Variants in CELF5 observed in about 807,000 individuals in gnomAD.
CELF5 encodes the protein CUGBP Elav-like family member 5.
CELF5 carries 6 observed loss-of-function variants against 54.9 expected under a neutral mutation model. The observed-to-expected ratio is 0.11, with a 90% confidence interval of 0.06 to 0.22. The LOEUF (loss-of-function observed/expected upper bound fraction) is 0.22. Ranked by LOEUF, CELF5 falls within the 10% of genes least tolerant of loss-of-function variation. The pLI is 1.00. For synonymous variants in CELF5, 271 were observed against 290.9 expected (o/e 0.93, Z 0.70); for missense variants, 401 against 678.6 (o/e 0.59, Z 4.54).
At chr19:3,246,033 C>T (rs2079561850) in intron 1 of CELF5, among the ~76,000 whole-genome samples, 1 of 152,192 alleles carries the variant, frequency 6.6e-6, no homozygotes, top group African/African-American at 2.4e-5. Flanking sequence ...TGTCTTATGC[C>T]CAGCACGTCC....
At chr19:3,265,306 G>A (rs2079866658) in intron 2 of CELF5, among the ~76,000 whole-genome samples, 1 of 152,168 alleles carries the variant, frequency 6.6e-6, no homozygotes, top group Admixed American at 6.5e-5. Flanking sequence ...AAGCAGACAA[G>A]GGCTTAGCCT....
At chr19:3,229,792 G>A (rs891888427) in intron 1 of CELF5, among the ~76,000 whole-genome samples, 1 of 152,180 alleles carries the variant, frequency 6.6e-6, no homozygotes, top group Admixed American at 6.5e-5. Flanking sequence ...CACTGACGGG[G>A]AAAGGTGTTC....
rs540923786 is a variant in CELF5, at chr19:3,237,803, A to G, written c.259+12805A>G. ...GGTGGCTCACGCCTGTAATCCCAGC[A>G]CTTTGGGAGGCCGAGGCGGGTGGAT... On this transcript the variant is annotated intron_variant, in intron 1 of 12. Transcript: ENST00000292672. 1.2e-4 allele frequency among the ~76,000 whole-genome samples: 18 copies of G among 152,250 alleles called. No homozygotes were observed. In the East Asian group the frequency reaches 3.5e-3, roughly 29 times the overall value.
At chr19:3,273,948 G>C in intron 3 of CELF5, 25 bp downstream of exon 3, 1 of 1,609,784 alleles carries the variant, frequency 6.2e-7, no homozygotes, top group South Asian at 1.1e-5. Context: ...GTGGCTGCCA[G>C]GCTGGGGGTT....
intron 2 of CELF5, among the ~76,000 whole-genome samples, chr19:3,251,652 C>CTTTTTTTTTTTTTT (rs1195812856): frequency 1.9e-4 from 13 of 67,102 alleles, no homozygotes; most frequent in East Asian, 1.0e-3. Context: ...ACAAGGGCTT[C>CTTTTTTTTTTTTTT]TTTTTTTTTT....
chr19:3,286,128 TGA>T, intron 10 of CELF5, 103 bp downstream of exon 10: 1 of 1,038,954 alleles, frequency 9.6e-7, no homozygotes. Context: ...CCCGCGGGGC[TGA>T]GAGTGCGGCC....
chr19:3,246,227 G>A lies in CELF5; in HGVS notation c.260-4758G>A, dbSNP rs568985221. Among the ~76,000 whole-genome samples, 9 of 152,302 alleles carry A rather than the reference G, an allele frequency of 5.9e-5. 1 individual carries two copies. In the East Asian group the frequency reaches 1.7e-3, roughly 29 times the overall value. Reference sequence around the variant, plus strand: ...AAAAATACAAAAGTTAGCCGGGCATGGTGGCGGACACCTGTAATCCCAGCT... The same window carrying A: ...AAAAATACAAAAGTTAGCCGGGCATAGTGGCGGACACCTGTAATCCCAGCT... On this transcript the variant is annotated intron_variant, in intron 1 of 12. Coordinates refer to ENST00000292672, the MANE Select transcript of CELF5 (RefSeq NM_021938.4).
In CELF5 at chr19:3,282,476, C is replaced by G; in HGVS notation, c.1017C>G (p.Ala339=). The G allele has an allele frequency of 6.2e-7, 1 of 1,613,514 alleles. No individual in the cohort carries two copies. The highest frequency in any genetic ancestry group is 8.5e-7 in the Non-Finnish European group (1 of 1,179,920). The change falls in exon 8 of 13, where the codon GCC becomes GCG. Residue 339 remains alanine, a synonymous_variant. Coordinates refer to ENST00000292672, the MANE Select transcript of CELF5 (RefSeq NM_021938.4). This position sits in a 1 kb window ranked among gnomAD's most constrained non-coding sequence, Gnocchi z 5.2. The stretch of plus-strand genomic sequence containing the variant: ...ACCCTGCCCTGGAAACCGTCTATGC[C>G]AATGGCCTTGTGCCCTACCCAGGTA... The part of the protein sequence containing the change: ...GGHPALETVY[A]NGLVPYPAQS...
At chr19:3,247,404 G>A (rs1419321965) in intron 1 of CELF5, among the ~76,000 whole-genome samples, 1 of 152,012 alleles carries the variant, frequency 6.6e-6, no homozygotes, top group Admixed American at 6.5e-5. Flanking sequence ...GGGATTACAG[G>A]CGTGAGCCAT....
chr19:3,274,158 G>A, intron 3 of CELF5, among the ~76,000 whole-genome samples: 1 of 120,610 alleles, frequency 8.3e-6, no homozygotes, highest in Admixed American at 9.4e-5. Context: ...CCCCAAGGGA[G>A]GATGGGGGGT....
intron 2 of CELF5, among the ~76,000 whole-genome samples, chr19:3,264,911 CA>C (rs1334103912): frequency 6.6e-6 from 1 of 151,922 alleles, no homozygotes; most frequent in Non-Finnish European, 1.5e-5. Flanking sequence ...GATAGGGTTT[CA>C]TCATGTTAGC....
intron 2 of CELF5, among the ~76,000 whole-genome samples, chr19:3,265,566 A>G (rs2079870534): frequency 6.6e-6 from 1 of 152,092 alleles, no homozygotes; most frequent in Admixed American, 6.6e-5. Context: ...GTATCTTGAG[A>G]CACTCCCACC....
chr19:3,284,951 C>A lies in CELF5; in HGVS notation c.1089C>A (p.Val363=). The change falls in exon 9 of 13, where the codon GTC becomes GTA. Residue 363 remains valine, a synonymous_variant. Coordinates refer to ENST00000292672, the MANE Select transcript of CELF5 (RefSeq NM_021938.4). The stretch of plus-strand genomic sequence containing the variant: ...CACTGCATCCTGCCTTCTCCGGAGT[C>A]CAGCAGTACACAGGTAGGAGGCAGC... ...AETLHPAFSG[V]QQYTAMYPTA... is the part of the protein sequence containing the mutation. 6.2e-7 allele frequency: 1 copy of A among 1,612,174 alleles called. No individual in the cohort carries two copies. Among genetic ancestry groups the A allele is most frequent in the Non-Finnish European group, 8.5e-7 (1 of 1,179,444 alleles).
chr19:3,226,141 C>T (rs1228805865), intron 1 of CELF5, among the ~76,000 whole-genome samples: 1 of 152,198 alleles, frequency 6.6e-6, no homozygotes, highest in Non-Finnish European at 1.5e-5. Flanking sequence ...CTCCCCCTCC[C>T]ATCCTCCAGG....
At chr19:3,274,073 T>G in intron 3 of CELF5, 150 bp downstream of exon 3, 1 of 737,326 alleles carries the variant, frequency 1.4e-6, no homozygotes, top group African/African-American at 1.7e-5. Context: ...CATGCAGTAG[T>G]CGCATGCCTG....
intron 1 of CELF5, among the ~76,000 whole-genome samples, chr19:3,247,191 A>G (rs1468616771): frequency 6.6e-6 from 1 of 152,140 alleles, no homozygotes; most frequent in Non-Finnish European, 1.5e-5. Context: ...CAGTGGCACA[A>G]TCACAGCTCA....
chr19:3,225,996 C>T (rs1028380283), intron 1 of CELF5, among the ~76,000 whole-genome samples: 11 of 152,122 alleles, frequency 7.2e-5, no homozygotes, highest in African/African-American at 9.7e-5. Flanking sequence ...TGGGGGTGTC[C>T]GGCAATTGTA....
chr19:3,295,369 A>T (rs1229961390), intron 12 of CELF5: 1 of 151,992 alleles, frequency 6.6e-6, no homozygotes, highest in Non-Finnish European at 1.5e-5. Flanking sequence ...ATATATGCAT[A>T]TATATATAGA....
intron 1 of CELF5, among the ~76,000 whole-genome samples, chr19:3,250,546 C>T (rs957408283): frequency 6.6e-6 from 1 of 152,122 alleles, no homozygotes; most frequent in Admixed American, 6.5e-5. Flanking sequence ...CATATTCACA[C>T]GGTTGTGCAA....
Sources: gnomAD v4.1 joint callset for allele counts (sites outside exome capture counted in the v4.1 genomes callset) on GRCh38, gnomAD v4.1.1 for gene constraint, Gnocchi (gnomAD v3.1) non-coding constraint, MANE v1.5 for transcripts, NCBI Gene and HGNC (gene_info 2026-07-23, HGNC 2026-07-21) for gene names.